ST8SIA5: variants seen among roughly 807,000 people sequenced by gnomAD.
The protein encoded by ST8SIA5 is ST8 alpha-N-acetyl-neuraminide alpha-2,8-sialyltransferase 5.
ST8SIA5 carries 24 observed loss-of-function variants against 40.2 expected under a neutral mutation model. The ratio of observed to expected loss-of-function variants is 0.60; its 90% CI spans 0.43 to 0.84. The LOEUF is 0.84. Ranked by LOEUF, ST8SIA5 falls within the 40% of genes least tolerant of loss-of-function variation. ST8SIA5 has a pLI of 0.00. For synonymous variants in ST8SIA5, 198 were observed against 201.8 expected (o/e 0.98, Z 0.16); for missense variants, 465 against 498.5 (o/e 0.93, Z 0.64).
At position 46,686,174 on chromosome 18, in the gene ST8SIA5, C is replaced by T. The variant is rs1344795830; in HGVS notation, c.569G>A (p.Arg190Gln). 9 of 1,613,950 alleles carry T rather than the reference C, an allele frequency of 5.6e-6. No homozygotes were observed. The highest frequency in any genetic ancestry group is 6.8e-6 in the Non-Finnish European group (8 of 1,179,986). The part of the protein sequence containing the change: ...REINSADFVF[R>Q]CNLPPISEKY... ...AGGGCAGTGCCAGGGTTTCTTTTACCGGAAGACGAAGTCGGCGCTGTTGAT... is the reference window on the plus strand; with the variant it reads ...AGGGCAGTGCCAGGGTTTCTTTTACTGGAAGACGAAGTCGGCGCTGTTGAT... Residue 190 changes from arginine (R) to glutamine (Q), a missense_variant and splice_region_variant, in exon 5 of 7, where the codon CGG becomes CAG. By Grantham distance (43) the Arg-to-Gln change is conservative (BLOSUM62 1). Transcript: ENST00000315087.
intron 2 of ST8SIA5, among the ~76,000 whole-genome samples, chr18:46,701,110 A>G (rs1029673970): frequency 7.2e-6 from 1 of 139,710 alleles, no homozygotes; most frequent in African/African-American, 2.7e-5. Context: ...ATATAATGAA[A>G]CCGTATTTGG....
intron 1 of ST8SIA5, among the ~76,000 whole-genome samples, chr18:46,718,246 CT>C (rs1299658820): frequency 6.7e-6 from 1 of 148,538 alleles, no homozygotes; most frequent in Non-Finnish European, 1.5e-5. Flanking sequence ...AGGAGAATTG[CT>C]TGAACCCGGG....
At chr18:46,704,508 T>A in intron 2 of ST8SIA5, 64 bp downstream of exon 2, 7 of 1,420,340 alleles carry the variant, frequency 4.9e-6, no homozygotes, top group African/African-American at 1.4e-5. Flanking sequence ...CCCCACGCAC[T>A]CACCCCCAAC....
At chr18:46,685,617 T>C (rs936547196) in intron 5 of ST8SIA5, among the ~76,000 whole-genome samples, 7 of 152,202 alleles carry the variant, frequency 4.6e-5, no homozygotes, top group Non-Finnish European at 1.5e-5. Context: ...CCATGCTTCA[T>C]GCGACCCCAC....
chr18:46,738,776 T>G (rs2040059960), intron 1 of ST8SIA5, among the ~76,000 whole-genome samples: 1 of 151,984 alleles, frequency 6.6e-6, no homozygotes, highest in Non-Finnish European at 1.5e-5. Context: ...GAAGGCTTTG[T>G]CCCCTGGGTC....
intron 1 of ST8SIA5, chr18:46,730,362 C>T (rs1180165847): frequency 6.8e-6 from 4 of 592,060 alleles, no homozygotes; most frequent in Admixed American, 6.3e-5. Flanking sequence ...TATAAACAGT[C>T]TACAAAAGCA....
At chr18:46,748,790 C>T (rs1003669808) in intron 1 of ST8SIA5, among the ~76,000 whole-genome samples, 1 of 151,724 alleles carries the variant, frequency 6.6e-6, no homozygotes, top group Non-Finnish European at 1.5e-5. Flanking sequence ...TCATACAATG[C>T]TGGAGAAAAT....
Position 46,671,319 on chromosome 18 carries a change from C to T in ST8SIA5, c.*8723G>A, listed in dbSNP as rs1599090765. 6.6e-6 allele frequency: 1 copy of T among 152,168 alleles called. No individual in the cohort carries two copies. The highest frequency in any genetic ancestry group is 2.4e-5 in the African/African-American group (1 of 41,444). The allele number at this position is 152,168 out of a possible 1,614,324, so 9.4% of individuals were successfully genotyped here. A position where few individuals can be genotyped will look rare whatever the true frequency, so the allele number is the denominator to read the frequency against. ...TCTCTGGTTTCAGCTCAAGCCTGTTCCAAAGTATGATAGAAAAGGAAATGC... is the reference window on the plus strand; with the variant it reads ...TCTCTGGTTTCAGCTCAAGCCTGTTTCAAAGTATGATAGAAAAGGAAATGC... On this transcript the variant is annotated 3_prime_UTR_variant, in exon 7 of 7. Coordinates refer to ENST00000315087, the MANE Select transcript of ST8SIA5 (RefSeq NM_013305.6).
At chr18:46,684,201 G>A (rs967164308) in intron 5 of ST8SIA5, among the ~76,000 whole-genome samples, 2 of 152,116 alleles carry the variant, frequency 1.3e-5, no homozygotes, top group Admixed American at 6.6e-5. Flanking sequence ...CAGCCCCTCC[G>A]AGGGAGACAT....
intron 1 of ST8SIA5, among the ~76,000 whole-genome samples, chr18:46,755,202 C>T (rs1310391025): frequency 2.0e-5 from 3 of 152,174 alleles, no homozygotes; most frequent in Non-Finnish European, 4.4e-5. Flanking sequence ...CACTGGACAG[C>T]GACACCTAGC....
chr18:46,726,109 GC>G (rs1010920070), intron 1 of ST8SIA5, among the ~76,000 whole-genome samples: 4 of 145,034 alleles, frequency 2.8e-5, no homozygotes, highest in Non-Finnish European at 6.0e-5. Flanking sequence ...CAGGAGAATT[GC>G]TTGAACCTGG....
intron 1 of ST8SIA5, among the ~76,000 whole-genome samples, chr18:46,727,299 G>C (rs1427425666): frequency 1.3e-5 from 2 of 152,170 alleles, no homozygotes; most frequent in Non-Finnish European, 2.9e-5. Context: ...TCTGTTGTGT[G>C]GTTATTGCTG....
chr18:46,680,624 C>G, intron 6 of ST8SIA5, 114 bp from the exon 7 acceptor site: 1 of 1,080,350 alleles, frequency 9.3e-7, no homozygotes, highest in Non-Finnish European at 1.3e-6. Context: ...CTCATAAGGC[C>G]ACCTGCCTCC....
intron 1 of ST8SIA5, among the ~76,000 whole-genome samples, chr18:46,729,765 C>A (rs897710574): frequency 6.6e-6 from 1 of 152,200 alleles, no homozygotes; most frequent in African/African-American, 2.4e-5. Flanking sequence ...CAATTACAAA[C>A]GGACTTCTTC....
rs1233952412 is a variant in ST8SIA5, at chr18:46,756,573, G to A, written c.-65C>T. The A allele has an allele frequency of 2.9e-5, 44 of 1,527,478 alleles. 1 individual carries two copies. The South Asian group carries it at 3.1e-4, about 11-fold the overall frequency. 94.6% of individuals were successfully genotyped at this position (1,527,478 alleles called of 1,614,324 possible). On this transcript the variant is annotated 5_prime_UTR_variant, in exon 1 of 7. Coordinates refer to ENST00000315087, the MANE Select transcript of ST8SIA5 (RefSeq NM_013305.6). ...CCAGGCAATGACTCGCGGGGTTCCG[G>A]GGCCCCGGGGGGCGCGCGGCCGACT...
chr18:46,753,719 G>A (rs1214377161), intron 1 of ST8SIA5, among the ~76,000 whole-genome samples: 1 of 152,178 alleles, frequency 6.6e-6, no homozygotes, highest in Admixed American at 6.5e-5. Flanking sequence ...ATGCATTATA[G>A]GTCTTTACAA....
intron 2 of ST8SIA5, among the ~76,000 whole-genome samples, chr18:46,703,329 T>C (rs968463555): frequency 3.3e-5 from 5 of 152,134 alleles, no homozygotes; most frequent in Non-Finnish European, 7.4e-5. Flanking sequence ...GTGTTTTTTT[T>C]AGTAGAGATG....
intron 2 of ST8SIA5, among the ~76,000 whole-genome samples, chr18:46,703,824 G>T (rs559812965): frequency 7.9e-5 from 12 of 152,306 alleles, no homozygotes; most frequent in Middle Eastern, 3.4e-3. Flanking sequence ...AAATGGGTTT[G>T]CTGAATTCAT....
At chr18:46,695,830 A>G (rs931277246) in intron 2 of ST8SIA5, among the ~76,000 whole-genome samples, 2 of 152,274 alleles carry the variant, frequency 1.3e-5, no homozygotes, top group Non-Finnish European at 2.9e-5. Flanking sequence ...CTGAGTTCAA[A>G]TCAAGTCTCA....
Sources: allele counts gnomAD v4.1 joint callset (sites outside exome capture counted in the v4.1 genomes callset), GRCh38; gene constraint gnomAD v4.1.1; transcripts MANE v1.5; gene names NCBI Gene and HGNC (gene_info 2026-07-23, HGNC 2026-07-21).